Variants in HECW2 observed in about 807,000 individuals in gnomAD.
HECW2 encodes E3 ubiquitin-protein ligase HECW2.
A neutral mutation model predicts 175.2 loss-of-function variants in HECW2; 61 were observed. That is an observed-to-expected ratio of 0.35 (90% CI 0.28 to 0.43). The LOEUF (loss-of-function observed/expected upper bound fraction) is 0.43. HECW2 is among the 20% of genes least tolerant of loss of function. The pLI, the probability that HECW2 is intolerant of heterozygous loss-of-function variation, is 1.00. For missense variants in HECW2, 1,524 were observed against 2,000.5 expected (o/e 0.76, Z 4.54); for synonymous variants, 671 against 731.0 (o/e 0.92, Z 1.32).
At chr2:196,293,249 G>A (rs150489414) in intron 13 of HECW2, among the ~76,000 whole-genome samples, 6,350 of 152,236 alleles carry the variant, frequency 0.042, 414 homozygotes, top group African/African-American at 0.14. Context: ...GAGAACATGT[G>A]GTGTTTGGTT....
rs146769709 is a variant in HECW2, at chr2:196,321,949, G to C, written c.884+529C>G. 2.6e-5 allele frequency among the ~76,000 whole-genome samples: 4 copies of C among 152,240 alleles called. No homozygotes were observed. In the East Asian group the frequency reaches 7.7e-4, roughly 29 times the overall value. The stretch of plus-strand genomic sequence containing the variant: ...ACAAAAAGCTCACAAAAAGAAAATA[G>C]ACATTAATTACACATTAAATTTTAA... On this transcript the variant is annotated intron_variant, in intron 7 of 28. Coordinates refer to ENST00000644978, the MANE Select transcript of HECW2 (RefSeq NM_001348768.2).
chr2:196,391,567 A>G lies in HECW2; in HGVS notation c.292+41565T>C, dbSNP rs1694510660. Reference sequence around the variant, plus strand: ...CCAAAGGCTTATCACATGTAACCCCATAGTTTTTCTACTTTTCAAAGTTTA... The same window carrying G: ...CCAAAGGCTTATCACATGTAACCCCGTAGTTTTTCTACTTTTCAAAGTTTA... On this transcript the variant is annotated intron_variant, in intron 2 of 28. Transcript: ENST00000644978. 2.0e-5 allele frequency among the ~76,000 whole-genome samples: 3 copies of G among 152,152 alleles called. No homozygotes were observed. The South Asian group carries it at 6.2e-4, about 31-fold the overall frequency.
At chr2:196,519,605 A>C (rs1688276217) in intron 1 of HECW2, among the ~76,000 whole-genome samples, 1 of 152,226 alleles carries the variant, frequency 6.6e-6, no homozygotes, top group East Asian at 1.9e-4. Context: ...CCCTGAAGGC[A>C]AAAAGGTAAA....
chr2:196,306,433 A>G, intron 13 of HECW2, 55 bp downstream of exon 13: 1 of 1,519,202 alleles, frequency 6.6e-7, no homozygotes, highest in Non-Finnish European at 9.0e-7. Flanking sequence ...AGAAACAACG[A>G]TCATTTGCTT....
chr2:196,452,450 C>G (rs1353143803), intron 1 of HECW2, among the ~76,000 whole-genome samples: 1 of 152,100 alleles, frequency 6.6e-6, no homozygotes, highest in Non-Finnish European at 1.5e-5. Context: ...TAAATTTAGA[C>G]TTAAATTTTA....
chr2:196,373,046 C>T (rs1017524465), intron 2 of HECW2, among the ~76,000 whole-genome samples: 5 of 152,196 alleles, frequency 3.3e-5, no homozygotes, highest in Non-Finnish European at 7.3e-5. Context: ...TCCACGCTTG[C>T]TGCAGTAAAA....
chr2:196,258,035 T>C (rs1417651765), intron 17 of HECW2, 129 bp from the exon 18 acceptor site: 2 of 646,664 alleles, frequency 3.1e-6, no homozygotes, highest in Admixed American at 2.7e-5. Flanking sequence ...TACTGTGTAA[T>C]ACCCTAGGAA....
intron 5 of HECW2, among the ~76,000 whole-genome samples, chr2:196,327,144 T>C (rs1575418635): frequency 6.6e-6 from 1 of 152,154 alleles, no homozygotes; most frequent in African/African-American, 2.4e-5. Flanking sequence ...TGCCACAAGG[T>C]CTGACAGAGC....
chr2:196,423,794 T>C (rs1001100674), intron 2 of HECW2, among the ~76,000 whole-genome samples: 1 of 151,976 alleles, frequency 6.6e-6, no homozygotes, highest in Non-Finnish European at 1.5e-5. Context: ...TAAATAGTGC[T>C]GCAATAAACA....
intron 1 of HECW2, among the ~76,000 whole-genome samples, chr2:196,445,584 C>G (rs747753630): frequency 6.6e-6 from 1 of 151,958 alleles, no homozygotes; most frequent in Admixed American, 6.6e-5. Context: ...CTACAGCATA[C>G]AAAAAATAAA....
intron 1 of HECW2, among the ~76,000 whole-genome samples, chr2:196,497,673 G>T (rs1244638128): frequency 6.6e-6 from 1 of 152,140 alleles, no homozygotes; most frequent in East Asian, 1.9e-4. Flanking sequence ...CACAAGGCGT[G>T]TCATAGAAAC....
At chr2:196,579,188 A>T (rs987552650) in intron 1 of HECW2, among the ~76,000 whole-genome samples, 2 of 152,174 alleles carry the variant, frequency 1.3e-5, no homozygotes, top group East Asian at 3.8e-4. Context: ...TACTAAGAAA[A>T]TAACTCAAAA....
At chr2:196,364,875 C>A (rs753902936) in intron 2 of HECW2, among the ~76,000 whole-genome samples, 1 of 152,160 alleles carries the variant, frequency 6.6e-6, no homozygotes, top group Non-Finnish European at 1.5e-5. Flanking sequence ...TCACTCAAGG[C>A]ATTGGCATAT....
At chr2:196,420,547 C>T (rs1437326460) in intron 2 of HECW2, among the ~76,000 whole-genome samples, 1 of 152,184 alleles carries the variant, frequency 6.6e-6, no homozygotes, top group Admixed American at 6.5e-5. Flanking sequence ...TATCTGACAC[C>T]TTTCATCATA....
At chr2:196,410,199 A>T (rs1575513098) in intron 2 of HECW2, among the ~76,000 whole-genome samples, 1 of 152,230 alleles carries the variant, frequency 6.6e-6, no homozygotes, top group East Asian at 1.9e-4. Flanking sequence ...AGGGATGCAA[A>T]GATTTGTAAA....
At chr2:196,223,365 G>T (rs1472785636) in intron 23 of HECW2, among the ~76,000 whole-genome samples, 1 of 152,152 alleles carries the variant, frequency 6.6e-6, no homozygotes, top group Non-Finnish European at 1.5e-5. Flanking sequence ...AGAGATTCAG[G>T]AAAAGCTTTT....
chr2:196,586,747 A>C (rs1231560741), intron 1 of HECW2: 4 of 152,002 alleles, frequency 2.6e-5, no homozygotes, highest in African/African-American at 7.2e-5. Context: ...AACCAAAAAA[A>C]AAAAAACAAA....
intron 1 of HECW2, among the ~76,000 whole-genome samples, chr2:196,575,540 AAAATATGGTGT>A (rs948360509): frequency 6.6e-6 from 1 of 152,216 alleles, no homozygotes; most frequent in African/African-American, 2.4e-5. Context: ...ATGAATAAAG[AAAATATGGTGT>A]ATGTATATAG....
chr2:196,349,273 T>C (rs1693082722), intron 2 of HECW2, among the ~76,000 whole-genome samples: 2 of 152,190 alleles, frequency 1.3e-5, no homozygotes, highest in Admixed American at 1.3e-4. Context: ...AAAGTGTCTG[T>C]TTTTTTGTTA....
Sources: gnomAD v4.1 joint callset for allele counts (sites outside exome capture counted in the v4.1 genomes callset) on GRCh38, gnomAD v4.1.1 for gene constraint, MANE v1.5 for transcripts, NCBI Gene and HGNC (gene_info 2026-07-23, HGNC 2026-07-21) for gene names.